IPO8: variants seen among roughly 807,000 people sequenced by gnomAD.
IPO8 encodes the protein importin 8.
Under a neutral mutation model 141.2 loss-of-function variants are expected in IPO8, and 65 were observed. The ratio of observed to expected loss-of-function variants is 0.46; its 90% CI spans 0.38 to 0.57. The LOEUF is 0.57. Among genes scored for constraint, IPO8 ranks in the 20% least tolerant of loss-of-function variants. The pLI, the probability that IPO8 is intolerant of heterozygous loss-of-function variation, is 0.00. For missense variants in IPO8, 980 were observed against 1,246.8 expected, an observed-to-expected ratio of 0.79 and a Z score of 3.22; for synonymous variants, 411 against 420.3, an observed-to-expected ratio of 0.98 and a Z score of 0.27.
intron 8 of IPO8, among the ~76,000 whole-genome samples, chr12:30,672,207 GT>G (rs1311123165): frequency 6.6e-6 from 1 of 152,150 alleles, no homozygotes; most frequent in East Asian, 1.9e-4. Context: ...TTATAAGTGA[GT>G]TGCTGAATAA....
intron 20 of IPO8, among the ~76,000 whole-genome samples, chr12:30,646,685 C>T (rs1181892741): frequency 1.3e-5 from 2 of 152,072 alleles, no homozygotes; most frequent in Non-Finnish European, 2.9e-5. Flanking sequence ...TTTCTATACA[C>T]TGGCAACAAA....
At chr12:30,679,224 T>G (rs1202244576) in intron 5 of IPO8, among the ~76,000 whole-genome samples, 3 of 152,202 alleles carry the variant, frequency 2.0e-5, no homozygotes, top group African/African-American at 7.2e-5. Flanking sequence ...TGGCTCCTAA[T>G]GCCTTCTAAA....
chr12:30,638,319 A>C (rs1179411393), intron 21 of IPO8, among the ~76,000 whole-genome samples: 1 of 152,206 alleles, frequency 6.6e-6, no homozygotes, highest in African/African-American at 2.4e-5. Flanking sequence ...GGTTTTAATA[A>C]CAAATCTCAA....
intron 21 of IPO8, among the ~76,000 whole-genome samples, chr12:30,638,570 T>C (rs1002530370): frequency 9.2e-5 from 14 of 152,024 alleles, no homozygotes; most frequent in Admixed American, 6.5e-5. Flanking sequence ...GATAGTGTTT[T>C]AAAACAAATT....
At position 30,681,617 on chromosome 12, in the gene IPO8, T is replaced by C. The variant is rs773440106; in HGVS notation, c.482+42A>G. 2.5e-6 allele frequency: 4 copies of C among 1,576,544 alleles called. No homozygotes were observed. The African/African-American group carries it at 5.4e-5, about 21-fold the overall frequency. ...TCTTTGCAACTTCATTATTTCTAAG[T>C]TACACAAGGCTGCTTTCTTCAGCCA... On this transcript the variant is annotated intron_variant, in intron 4 of 24. Transcript: ENST00000256079.
chr12:30,647,355 G>C (rs1383100356), intron 20 of IPO8, among the ~76,000 whole-genome samples: 1 of 151,964 alleles, frequency 6.6e-6, no homozygotes, highest in African/African-American at 2.4e-5. Context: ...AAAACTCTTA[G>C]AACAAAAGAG....
chr12:30,637,571 T>C (rs951658248), intron 21 of IPO8, among the ~76,000 whole-genome samples: 1 of 152,174 alleles, frequency 6.6e-6, no homozygotes, highest in South Asian at 2.1e-4. Flanking sequence ...CAACATTAGA[T>C]TGATCTACAA....
intron 22 of IPO8, among the ~76,000 whole-genome samples, chr12:30,635,727 T>C (rs1173346063): frequency 1.3e-5 from 2 of 152,096 alleles, no homozygotes; most frequent in African/African-American, 4.8e-5. Context: ...TAGATTGAAC[T>C]AGGTAGTTTT....
Position 30,695,153 on chromosome 12 carries a change from A to T in IPO8, c.84+411T>A. The stretch of plus-strand genomic sequence containing the variant: ...GCGTGCTCCACAGCAACACCTAAAA[A>T]GGGCTGGGTTTGGAAAAAAGCTGAA... On this transcript the variant is annotated intron_variant, in intron 1 of 24. Transcript: ENST00000256079. The surrounding 1 kb of genome is among the most constrained non-coding windows in gnomAD (Gnocchi z 4.2). The T allele has an allele frequency of 2.6e-6, 1 of 382,556 alleles. No individual in the cohort carries two copies. The highest frequency in any genetic ancestry group is 5.1e-6 in the Non-Finnish European group (1 of 196,030). The allele number at this position is 382,556 out of a possible 1,614,324, so 23.7% of individuals were successfully genotyped here.
intron 7 of IPO8, 24 bp from the exon 8 acceptor site, chr12:30,674,098 A>G (rs910806184): frequency 7.2e-6 from 10 of 1,388,034 alleles, no homozygotes; most frequent in Non-Finnish European, 9.1e-6. Flanking sequence ...GAGAAAATGT[A>G]CAAATACCGT....
At chr12:30,636,961 A>T in intron 22 of IPO8, 21 bp downstream of exon 22, 3 of 1,584,574 alleles carry the variant, frequency 1.9e-6, no homozygotes, top group Non-Finnish European at 2.6e-6. Flanking sequence ...TGTAACATTA[A>T]TTTCAATTAG....
At position 30,633,758 on chromosome 12, in the gene IPO8, T is replaced by C. The variant is rs145267348; in HGVS notation, c.2899+325A>G. ...AATGTATGCCTGAAACACTTCATTC[T>C]TTGCTATAAAAATGCTTGCCCATTT... On this transcript the variant is annotated intron_variant, in intron 23 of 24. Coordinates refer to ENST00000256079, the MANE Select transcript of IPO8 (RefSeq NM_006390.4). Among the ~76,000 whole-genome samples the C allele has an allele frequency of 4.3e-4, 66 of 152,348 alleles. No individual in the cohort carries two copies. In the East Asian group the frequency reaches 0.011, roughly 25 times the overall value.
At chr12:30,680,021 A>G (rs371242127) in intron 5 of IPO8, among the ~76,000 whole-genome samples, 1 of 152,196 alleles carries the variant, frequency 6.6e-6, no homozygotes, top group East Asian at 1.9e-4. Context: ...AAACCAAGGA[A>G]AATGAACCCT....
chr12:30,667,599 T>C (rs1408150266), intron 10 of IPO8, among the ~76,000 whole-genome samples: 1 of 152,046 alleles, frequency 6.6e-6, no homozygotes, highest in Non-Finnish European at 1.5e-5. Context: ...AAAAGTAAAA[T>C]ACACATATCA....
At chr12:30,645,326 T>A (rs181443947) in intron 20 of IPO8, among the ~76,000 whole-genome samples, 1 of 151,144 alleles carries the variant, frequency 6.6e-6, no homozygotes, top group Non-Finnish European at 1.5e-5. Context: ...TAAGCCAAGA[T>A]TGCGCCACTG....
chr12:30,687,486 T>A (rs2053252890), intron 2 of IPO8, among the ~76,000 whole-genome samples: 1 of 152,088 alleles, frequency 6.6e-6, no homozygotes, highest in Non-Finnish European at 1.5e-5. Flanking sequence ...AACCTCAAAG[T>A]GGAGAAAGTA....
At chr12:30,674,607 T>C in intron 7 of IPO8, 52 bp downstream of exon 7, 2 of 1,281,902 alleles carry the variant, frequency 1.6e-6, no homozygotes, top group Non-Finnish European at 2.3e-6. Flanking sequence ...TAATCATATC[T>C]GATACTGAGA....
intron 1 of IPO8, chr12:30,694,886 G>T (rs2053322388): frequency 2.4e-6 from 1 of 425,084 alleles, no homozygotes; most frequent in Admixed American, 2.6e-5. Flanking sequence ...CTGGAAAGAC[G>T]TCAAGGCTAA....
chr12:30,646,321 G>A (rs73077869), intron 20 of IPO8, among the ~76,000 whole-genome samples: 8,948 of 152,166 alleles, frequency 0.059, 350 homozygotes, highest in Middle Eastern at 0.12. Context: ...CATGATAAAA[G>A]CAACAAGTTA....
Sources: gnomAD v4.1 joint callset for allele counts (sites outside exome capture counted in the v4.1 genomes callset) on GRCh38, gnomAD v4.1.1 for gene constraint, Gnocchi (gnomAD v3.1) non-coding constraint, MANE v1.5 for transcripts, NCBI Gene and HGNC (gene_info 2026-07-23, HGNC 2026-07-21) for gene names.